HMCN1: variants seen among roughly 807,000 people sequenced by gnomAD.
HMCN1 encodes the protein hemicentin 1, also known as hemicentin-1.
In HMCN1, 321 loss-of-function variants were observed where a neutral mutation model predicts 625.9. That is an observed-to-expected ratio of 0.51 (90% CI 0.47 to 0.56). The LOEUF (loss-of-function observed/expected upper bound fraction) is 0.56, where lower values mean the gene tolerates loss of function less well. Ranked by LOEUF, HMCN1 falls within the 20% of genes least tolerant of loss-of-function variation. The pLI, the probability that HMCN1 is intolerant of heterozygous loss-of-function variation, is 0.00. For missense variants in HMCN1, 6,588 were observed against 6,887.3 expected, an observed-to-expected ratio of 0.96 and a Z score of 1.54; for synonymous variants, 2,425 against 2,417.6, an observed-to-expected ratio of 1.00 and a Z score of -0.09.
At chr1:185,832,338 A>C (rs1660920439) in intron 1 of HMCN1, among the ~76,000 whole-genome samples, 1 of 152,122 alleles carries the variant, frequency 6.6e-6, no homozygotes, top group African/African-American at 2.4e-5. Context: ...AAAAATAATA[A>C]GCATGAATGG....
chr1:185,876,855 A>G (rs1385255834), intron 4 of HMCN1, among the ~76,000 whole-genome samples: 1 of 151,304 alleles, frequency 6.6e-6, no homozygotes, highest in Non-Finnish European at 1.5e-5. Context: ...CTCCCTTTCT[A>G]TTGGTTTTCT....
intron 81 of HMCN1, among the ~76,000 whole-genome samples, chr1:186,123,708 CA>C (rs1661509069): frequency 6.6e-6 from 1 of 151,936 alleles, no homozygotes; most frequent in Admixed American, 6.6e-5. Context: ...ATTAAGACAA[CA>C]AAATATTGAA....
intron 2 of HMCN1, among the ~76,000 whole-genome samples, chr1:185,850,400 A>G (rs902429023): frequency 5.9e-5 from 9 of 152,190 alleles, no homozygotes; most frequent in Middle Eastern, 3.4e-3. Flanking sequence ...CTCCGTGACA[A>G]TACACTCTTA....
chr1:185,891,769 G>A (rs1195056933), intron 4 of HMCN1, among the ~76,000 whole-genome samples: 3 of 148,020 alleles, frequency 2.0e-5, no homozygotes, highest in African/African-American at 8.0e-5. Context: ...CAACTTTGGT[G>A]AATCTGACAA....
chr1:186,048,093 G>A (rs1656690939), intron 41 of HMCN1, among the ~76,000 whole-genome samples: 1 of 151,910 alleles, frequency 6.6e-6, no homozygotes, highest in Non-Finnish European at 1.5e-5. Flanking sequence ...CAACTGGATT[G>A]CAAACTTAAA....
Position 185,933,722 on chromosome 1 carries a change from T to C in HMCN1, c.1726T>C (p.Leu576=), listed in dbSNP as rs1248147183. Residue 576 remains leucine (L), a synonymous_variant, in exon 11 of 107, where the codon TTG becomes CTG. Coordinates refer to ENST00000271588, the MANE Select transcript of HMCN1 (RefSeq NM_031935.3). ...AATTAGGACCTTGGCTAATCTGTCATTGGAGCTAAAGAGTGTGAAATTCAA... is the reference window on the plus strand; with the variant it reads ...AATTAGGACCTTGGCTAATCTGTCACTGGAGCTAAAGAGTGTGAAATTCAA... ...ARIRTLANLS[L]ELKSVKFNDA... The C allele has an allele frequency of 3.1e-6, 5 of 1,613,858 alleles. No homozygotes were observed. Among genetic ancestry groups the C allele is most frequent in the African/African-American group, 2.7e-5 (2 of 74,922 alleles).
At chr1:185,932,627 C>G (rs995479291) in intron 10 of HMCN1, among the ~76,000 whole-genome samples, 1 of 151,962 alleles carries the variant, frequency 6.6e-6, no homozygotes, top group African/African-American at 2.4e-5. Context: ...GAACAGAAAA[C>G]CAAACACCTC....
intron 101 of HMCN1, 83 bp from the exon 102 acceptor site, chr1:186,171,923 C>T: frequency 7.8e-7 from 1 of 1,283,572 alleles, no homozygotes. Flanking sequence ...AAATAATATC[C>T]CTAAAATCCA....
intron 1 of HMCN1, among the ~76,000 whole-genome samples, chr1:185,774,409 A>G (rs1656459344): frequency 6.6e-6 from 1 of 152,188 alleles, no homozygotes; most frequent in Middle Eastern, 3.2e-3. Context: ...CACAATATAA[A>G]TAAAGAAGAG....
chr1:186,090,640 C>T, intron 63 of HMCN1, 118 bp from the exon 64 acceptor site: 2 of 1,185,694 alleles, frequency 1.7e-6, no homozygotes, highest in Admixed American at 3.9e-5. Context: ...ATAGTTTGAC[C>T]TTGAACCATA....
At chr1:185,918,248 G>A (rs1666824847) in intron 6 of HMCN1, among the ~76,000 whole-genome samples, 1 of 152,260 alleles carries the variant, frequency 6.6e-6, no homozygotes, top group East Asian at 1.9e-4. Flanking sequence ...AGGCCCGAGA[G>A]CCCCTGGCAA....
At chr1:185,896,484 C>G (rs1362124454) in intron 4 of HMCN1, among the ~76,000 whole-genome samples, 1 of 151,986 alleles carries the variant, frequency 6.6e-6, no homozygotes, top group Non-Finnish European at 1.5e-5. Context: ...GCAGGTAGTA[C>G]AATAATGTGT....
At chr1:186,127,696 T>C (rs1405843123) in intron 82 of HMCN1, among the ~76,000 whole-genome samples, 1 of 152,094 alleles carries the variant, frequency 6.6e-6, no homozygotes, top group Non-Finnish European at 1.5e-5. Flanking sequence ...CCTCTGATAG[T>C]TTTGTTGATC....
In HMCN1 at chr1:185,962,643, A is replaced by G; in HGVS notation, c.1954A>G (p.Ile652Val). 2 of 1,584,246 alleles carry G rather than the reference A, an allele frequency of 1.3e-6. No homozygotes were observed. Among genetic ancestry groups the G allele is most frequent in the Non-Finnish European group, 1.7e-6 (2 of 1,152,662 alleles). ...TGCCTGGACCGTTAACGATATGTTT[A>G]TCGTGGGTTCACACAGGTACTGGGT... ...KIAWTVNDMF[I>V]VGSHRYRMTS... Residue 652 changes from isoleucine to valine, a missense_variant, in exon 12 of 107, where the codon ATC becomes GTC. By Grantham distance (29) the Ile-to-Val change is conservative. Coordinates refer to ENST00000271588, the MANE Select transcript of HMCN1 (RefSeq NM_031935.3).
At chr1:185,965,771 T>A (rs1281662308) in intron 13 of HMCN1, 31 bp from the exon 14 acceptor site, 1 of 1,178,610 alleles carries the variant, frequency 8.5e-7, no homozygotes. Flanking sequence ...TTGTGCTAAA[T>A]GTTGACTATT....
At chr1:185,951,717 T>C (rs1293508113) in intron 11 of HMCN1, among the ~76,000 whole-genome samples, 1 of 151,796 alleles carries the variant, frequency 6.6e-6, no homozygotes, top group Non-Finnish European at 1.5e-5. Flanking sequence ...AATCCCGGGC[T>C]GAGGGCATTT....
At chr1:185,926,242 G>A (rs1227619381) in intron 9 of HMCN1, among the ~76,000 whole-genome samples, 1 of 152,102 alleles carries the variant, frequency 6.6e-6, no homozygotes, top group African/African-American at 2.4e-5. Context: ...GATGTTAAAT[G>A]TTTGACAGTC....
At chr1:185,814,937 C>T (rs1659753224) in intron 1 of HMCN1, among the ~76,000 whole-genome samples, 1 of 149,952 alleles carries the variant, frequency 6.7e-6, no homozygotes, top group Admixed American at 6.6e-5. Flanking sequence ...AGTGATCCAC[C>T]CACCTCGGCC....
intron 91 of HMCN1, 150 bp from the exon 92 acceptor site, chr1:186,145,253 C>A: frequency 1.5e-6 from 1 of 686,574 alleles, no homozygotes; most frequent in East Asian, 2.8e-5. Context: ...AAACTATCTT[C>A]CTTTGGAAGT....
Sources: gnomAD v4.1 joint callset for allele counts (sites outside exome capture counted in the v4.1 genomes callset) on GRCh38, gnomAD v4.1.1 for gene constraint, MANE v1.5 for transcripts, NCBI Gene and HGNC (gene_info 2026-07-23, HGNC 2026-07-21) for gene names.